SIPA1L1: variants seen among roughly 807,000 people sequenced by gnomAD.
The protein encoded by SIPA1L1 is signal-induced proliferation-associated 1-like protein 1.
Under a neutral mutation model 162.7 loss-of-function variants are expected in SIPA1L1, and 26 were observed. The observed-to-expected ratio is 0.16, with a 90% CI of 0.12 to 0.22. The LOEUF is 0.22. Ranked by LOEUF, SIPA1L1 falls within the 10% of genes least tolerant of loss-of-function variation. SIPA1L1 has a pLI of 1.00. For missense variants in SIPA1L1, 1,874 were observed against 2,241.0 expected (o/e 0.84, Z 3.31); for synonymous variants, 829 against 837.4 (o/e 0.99, Z 0.17).
chr14:71,345,540 A>G (rs1291259677), intron 2 of SIPA1L1, among the ~76,000 whole-genome samples: 4 of 149,214 alleles, frequency 2.7e-5, no homozygotes, highest in Non-Finnish European at 4.4e-5. Flanking sequence ...GGCCAGGACT[A>G]TGTCTTTGCA....
chr14:71,672,931 AACATTGAAC>A (rs1328756139), intron 12 of SIPA1L1, among the ~76,000 whole-genome samples: 4 of 152,346 alleles, frequency 2.6e-5, no homozygotes, highest in East Asian at 1.9e-4. Context: ...GGAGCTGAGA[AACATTGAAC>A]ACATTGAACA....
At chr14:71,323,322 C>CT (rs1197821256) in intron 2 of SIPA1L1, among the ~76,000 whole-genome samples, 2 of 152,088 alleles carry the variant, frequency 1.3e-5, no homozygotes, top group Non-Finnish European at 2.9e-5. Context: ...GACTGTTTTT[C>CT]TTTTTTTAAA....
intron 10 of SIPA1L1, among the ~76,000 whole-genome samples, chr14:71,663,582 A>T (rs965790265): frequency 1.3e-5 from 2 of 152,174 alleles, no homozygotes; most frequent in Non-Finnish European, 2.9e-5. Context: ...GGCCACTGTA[A>T]TGAACCACAC....
chr14:71,551,158 C>T (rs2055789154), intron 4 of SIPA1L1, among the ~76,000 whole-genome samples: 1 of 152,090 alleles, frequency 6.6e-6, no homozygotes, highest in Non-Finnish European at 1.5e-5. Context: ...CCTTCCTTGA[C>T]CAAATCAGTT....
At chr14:71,450,045 A>G (rs1453036062) in intron 2 of SIPA1L1, among the ~76,000 whole-genome samples, 3 of 152,212 alleles carry the variant, frequency 2.0e-5, no homozygotes, top group African/African-American at 7.2e-5. Context: ...TGCAAACAGT[A>G]AAATAAAACT....
chr14:71,741,086 C>G lies in SIPA1L1; in HGVS notation c.*1925C>G, dbSNP rs1201764884. 1 of 152,078 alleles carries G rather than the reference C, an allele frequency of 6.6e-6. No homozygotes were observed. The highest frequency in any genetic ancestry group is 1.5e-5 in the Non-Finnish European group (1 of 68,010). 9.4% of individuals were successfully genotyped at this position (152,078 alleles called of 1,614,324 possible). A position where few individuals can be genotyped will look rare whatever the true frequency, so the allele number is the denominator to read the frequency against. ...CTTGAGGTTTGCTTATTTGAAAGAC[C>G]ACCCAATAACTCATTGACCCTCCTT... On this transcript the variant is annotated 3_prime_UTR_variant, in exon 24 of 24. Transcript: ENST00000381232.
chr14:71,415,186 G>C (rs547212635), intron 2 of SIPA1L1, among the ~76,000 whole-genome samples: 1 of 152,192 alleles, frequency 6.6e-6, no homozygotes, highest in African/African-American at 2.4e-5. Context: ...GAGCTTAGGG[G>C]ATGGGTAATT....
intron 2 of SIPA1L1, among the ~76,000 whole-genome samples, chr14:71,420,943 C>G (rs570160686): frequency 6.6e-6 from 1 of 152,304 alleles, no homozygotes; most frequent in Admixed American, 6.5e-5. Flanking sequence ...TTGTGGGAAT[C>G]AGGATCCAAG....
At chr14:71,648,998 G>A (rs577160441) in intron 7 of SIPA1L1, among the ~76,000 whole-genome samples, 137 of 152,288 alleles carry the variant, frequency 9.0e-4, no homozygotes, top group South Asian at 1.9e-3. Context: ...AGAATTTAAT[G>A]TATGTTAAAC....
At chr14:71,579,032 A>G (rs989138936) in intron 4 of SIPA1L1, among the ~76,000 whole-genome samples, 2 of 152,228 alleles carry the variant, frequency 1.3e-5, no homozygotes, top group East Asian at 1.9e-4. Context: ...TAGCAGCAGG[A>G]TATGGCTATG....
chr14:71,610,633 C>T (rs545872904), intron 5 of SIPA1L1, among the ~76,000 whole-genome samples: 8 of 152,266 alleles, frequency 5.3e-5, no homozygotes, highest in African/African-American at 1.9e-4. Context: ...TTCATCCTCT[C>T]TTTATTTAAA....
intron 3 of SIPA1L1, among the ~76,000 whole-genome samples, chr14:71,528,506 T>A (rs1212892682): frequency 6.6e-6 from 1 of 151,774 alleles, no homozygotes; most frequent in Non-Finnish European, 1.5e-5. Flanking sequence ...AATACAAAAA[T>A]TAGCTGGGCG....
chr14:71,503,105 A>T (rs2050387009), intron 2 of SIPA1L1, among the ~76,000 whole-genome samples: 1 of 152,174 alleles, frequency 6.6e-6, no homozygotes, highest in African/African-American at 2.4e-5. Context: ...TTTTAGCATG[A>T]TGAAGTTTGT....
intron 2 of SIPA1L1, among the ~76,000 whole-genome samples, chr14:71,509,334 A>G (rs2050924642): frequency 6.6e-6 from 1 of 152,222 alleles, no homozygotes; most frequent in South Asian, 2.1e-4. Flanking sequence ...AACAAATTTG[A>G]ACATCTAATT....
intron 5 of SIPA1L1, among the ~76,000 whole-genome samples, chr14:71,607,973 C>G (rs1163108762): frequency 1.3e-5 from 2 of 152,084 alleles, no homozygotes. Context: ...AAATGTATAC[C>G]TCATTATATC....
chr14:71,364,513 GT>G (rs1197514651), intron 2 of SIPA1L1, among the ~76,000 whole-genome samples: 1 of 152,084 alleles, frequency 6.6e-6, no homozygotes, highest in Non-Finnish European at 1.5e-5. Context: ...CAGTTGTGTT[GT>G]GTGTGTCACT....
chr14:71,357,623 A>G (rs754592130), intron 2 of SIPA1L1, among the ~76,000 whole-genome samples: 1 of 152,072 alleles, frequency 6.6e-6, no homozygotes, highest in Non-Finnish European at 1.5e-5. Flanking sequence ...GCGCAGTGGC[A>G]TGATCTCCGC....
intron 13 of SIPA1L1, among the ~76,000 whole-genome samples, chr14:71,695,367 C>T (rs1021484997): frequency 1.3e-5 from 2 of 152,170 alleles, no homozygotes; most frequent in African/African-American, 4.8e-5. Flanking sequence ...TGCCAGCCTT[C>T]TGGAAATGCT....
At chr14:71,379,415 C>T (rs1335682671) in intron 2 of SIPA1L1, 4 of 151,954 alleles carry the variant, frequency 2.6e-5, no homozygotes, top group Non-Finnish European at 2.9e-5. Context: ...GCAGTCTTCC[C>T]ACCTCACCCT....
Sources: gnomAD v4.1 joint callset for allele counts (sites outside exome capture counted in the v4.1 genomes callset) on GRCh38, gnomAD v4.1.1 for gene constraint, MANE v1.5 for transcripts, NCBI Gene and HGNC (gene_info 2026-07-23, HGNC 2026-07-21) for gene names.